EGF: variants seen among roughly 807,000 people sequenced by gnomAD.
EGF encodes pro-epidermal growth factor.
EGF carries 95 observed loss-of-function variants against 143.8 expected under a neutral mutation model. That is an observed-to-expected ratio of 0.66 (90% CI 0.56 to 0.78). EGF has a LOEUF of 0.78. Among genes scored for constraint, EGF ranks in the 30% least tolerant of loss-of-function variants. The pLI is 0.00. For synonymous variants in EGF, 510 were observed against 510.5 expected, an observed-to-expected ratio of 1.00 and a Z score of 0.01; for missense variants, 1,320 against 1,470.9, an observed-to-expected ratio of 0.90 and a Z score of 1.68.
chr4:109,963,999 GT>G (rs1478458795), intron 9 of EGF, among the ~76,000 whole-genome samples: 1 of 152,122 alleles, frequency 6.6e-6, no homozygotes, highest in Non-Finnish European at 1.5e-5. Context: ...CCTTTAAGAA[GT>G]GCCCAGGCCA....
At chr4:109,970,252 G>A (rs1358269721) in intron 11 of EGF, among the ~76,000 whole-genome samples, 1 of 152,098 alleles carries the variant, frequency 6.6e-6, no homozygotes, top group Non-Finnish European at 1.5e-5. Flanking sequence ...CTTCCTTACA[G>A]AACTATAAGA....
At chr4:109,961,130 T>G in intron 7 of EGF, 141 bp downstream of exon 7, 2 of 959,134 alleles carry the variant, frequency 2.1e-6, no homozygotes, top group Non-Finnish European at 3.2e-6. Context: ...GTTTGGCTTT[T>G]TAAAACATGG....
At position 110,010,091 on chromosome 4, in the gene EGF, C is replaced by T. The variant is rs1753813365; in HGVS notation, c.3371-1111C>T. ...CTGTCTCTATGGTGGAACGCTGTCT[C>T]TACCAAAAAGTACAAAAATTAGCCT... On this transcript the variant is annotated intron_variant, in intron 23 of 23. Coordinates refer to ENST00000265171, the MANE Select transcript of EGF (RefSeq NM_001963.6). Among the ~76,000 whole-genome samples the T allele has an allele frequency of 2.0e-5, 3 of 152,104 alleles. No homozygotes were observed. In the South Asian group the frequency reaches 6.2e-4, roughly 32 times the overall value.
At chr4:109,945,018 T>C (rs1360919731) in intron 4 of EGF, 55 bp from the exon 5 acceptor site, 6 of 1,566,666 alleles carry the variant, frequency 3.8e-6, no homozygotes, top group South Asian at 1.1e-5. Context: ...GAAATTCTAA[T>C]AAGACAAGGA....
intron 15 of EGF, among the ~76,000 whole-genome samples, 156 bp from the exon 16 acceptor site, chr4:109,983,266 C>T (rs997996575): frequency 2.0e-5 from 3 of 152,144 alleles, no homozygotes; most frequent in Non-Finnish European, 2.9e-5. Context: ...GTGAGGTTTA[C>T]TAAGTTACCA....
At chr4:109,974,409 C>A (rs1748152534) in intron 11 of EGF, among the ~76,000 whole-genome samples, 2 of 152,178 alleles carry the variant, frequency 1.3e-5, no homozygotes, top group Non-Finnish European at 2.9e-5. Flanking sequence ...ATGTCCTCAC[C>A]CAGCCACTGA....
intron 11 of EGF, among the ~76,000 whole-genome samples, chr4:109,972,386 G>A (rs773331218): frequency 1.3e-4 from 20 of 152,096 alleles, no homozygotes; most frequent in Non-Finnish European, 2.4e-4. Context: ...TGTCGTTCTC[G>A]TCTCATCACT....
chr4:109,955,181 G>T (rs1233412534), intron 5 of EGF, among the ~76,000 whole-genome samples: 2 of 152,176 alleles, frequency 1.3e-5, no homozygotes, highest in Admixed American at 6.5e-5. Flanking sequence ...AAAATCTACA[G>T]ATTCACTGGG....
chr4:109,963,214 G>A lies in EGF; in HGVS notation c.1354G>A (p.Val452Ile), dbSNP rs142751045. The change falls in exon 9 of 24, where the codon GTT becomes ATT. Residue 452 changes from valine to isoleucine, a missense_variant. Val to Ile is a conservative substitution (Grantham distance 29). Around this residue, in one of 5 missense-constraint regions of EGF, gnomAD observed 1,186 missense variants for 1,313.7 expected, o/e 0.90. Coordinates refer to ENST00000265171, the MANE Select transcript of EGF (RefSeq NM_001963.6). Reference sequence around the variant, plus strand: ...TAATGGTGGATGTAGCCAGCTCTGCGTTCCTCTTAGCCCAGTATCCTGGGA... The same window carrying A: ...TAATGGTGGATGTAGCCAGCTCTGCATTCCTCTTAGCCCAGTATCCTGGGA... ...PDNGGCSQLC[V>I]PLSPVSWECD... The A allele has an allele frequency of 6.0e-5, 97 of 1,613,988 alleles. 1 individual carries two copies. The African/African-American group carries it at 7.6e-4, about 13-fold the overall frequency.
At chr4:109,989,235 C>G (rs1487733077) in intron 18 of EGF, among the ~76,000 whole-genome samples, 5 of 152,180 alleles carry the variant, frequency 3.3e-5, no homozygotes, top group Non-Finnish European at 7.3e-5. Flanking sequence ...AAGAATGATT[C>G]AACCCTCTTT....
chr4:109,987,629 CT>C (rs1750326533), intron 16 of EGF, 114 bp from the exon 17 acceptor site: 1 of 859,620 alleles, frequency 1.2e-6, no homozygotes, highest in African/African-American at 1.7e-5. Flanking sequence ...GGAGGTTAAC[CT>C]GTCCCAGAAC....
At chr4:109,981,881 T>A (rs979321447) in intron 15 of EGF, among the ~76,000 whole-genome samples, 1 of 151,958 alleles carries the variant, frequency 6.6e-6, no homozygotes, top group Non-Finnish European at 1.5e-5. Context: ...TCAAGAGTTT[T>A]AAAAATTAAT....
chr4:109,993,496 C>T, intron 19 of EGF, 127 bp downstream of exon 19: 1 of 1,354,270 alleles, frequency 7.4e-7, no homozygotes, highest in Non-Finnish European at 1.0e-6. Context: ...AGCTGGCTTT[C>T]CTGATTAGGA....
At chr4:109,925,579 G>A (rs543098687) in intron 1 of EGF, among the ~76,000 whole-genome samples, 1 of 152,268 alleles carries the variant, frequency 6.6e-6, no homozygotes, top group East Asian at 1.9e-4. Flanking sequence ...AATAGTATTG[G>A]AGCCAATAAA....
chr4:109,987,458 A>G lies in EGF; in HGVS notation c.2492-286A>G, dbSNP rs181959407. Among the ~76,000 whole-genome samples the G allele has an allele frequency of 5.3e-4, 80 of 152,158 alleles. No individual in the cohort carries two copies. In the East Asian group the frequency reaches 0.015, roughly 28 times the overall value. ...ATACACCAGTTTTCAGTAGAGACAGAGTTTCACCATGTTGCCCAGGCTGGT... is the reference window on the plus strand; with the variant it reads ...ATACACCAGTTTTCAGTAGAGACAGGGTTTCACCATGTTGCCCAGGCTGGT... On this transcript the variant is annotated intron_variant, in intron 16 of 23. Coordinates refer to ENST00000265171, the MANE Select transcript of EGF (RefSeq NM_001963.6).
chr4:110,002,636 T>C (rs958598073), intron 21 of EGF, among the ~76,000 whole-genome samples: 9 of 151,630 alleles, frequency 5.9e-5, no homozygotes, highest in Non-Finnish European at 1.2e-4. Flanking sequence ...CATCACAAAG[T>C]ATAACTTTGT....
intron 21 of EGF, among the ~76,000 whole-genome samples, chr4:110,000,368 C>T (rs1220852064): frequency 6.6e-6 from 1 of 151,770 alleles, no homozygotes; most frequent in Non-Finnish European, 1.5e-5. Context: ...CAGTCATTGT[C>T]CATACACCTT....
intron 18 of EGF, among the ~76,000 whole-genome samples, chr4:109,992,920 G>A (rs1033692168): frequency 7.6e-6 from 1 of 131,354 alleles, no homozygotes; most frequent in Non-Finnish European, 1.6e-5. Context: ...ACACAGGGTG[G>A]GGAACATCAC....
chr4:109,948,562 C>A (rs575796901), intron 5 of EGF, among the ~76,000 whole-genome samples: 3 of 152,078 alleles, frequency 2.0e-5, no homozygotes, highest in Non-Finnish European at 4.4e-5. Flanking sequence ...CGGCTCACTG[C>A]AACCTCCATT....
Sources: allele counts gnomAD v4.1 joint callset (sites outside exome capture counted in the v4.1 genomes callset), GRCh38; gene constraint gnomAD v4.1.1; regional missense constraint gnomAD v4.1.1; transcripts MANE v1.5; gene names NCBI Gene and HGNC (gene_info 2026-07-23, HGNC 2026-07-21).